ERBB4: variants seen among roughly 807,000 people sequenced by gnomAD.
The protein encoded by ERBB4 is receptor tyrosine-protein kinase erbB-4.
ERBB4 carries 42 observed loss-of-function variants against 158.0 expected under a neutral mutation model. That is an observed-to-expected ratio of 0.27 (90% confidence interval 0.21 to 0.34). The LOEUF (loss-of-function observed/expected upper bound fraction) is 0.34. Ranked by LOEUF, ERBB4 falls within the 10% of genes least tolerant of loss-of-function variation. The pLI is 1.00. For missense variants in ERBB4, 1,333 were observed against 1,624.1 expected (o/e 0.82, Z 3.08); for synonymous variants, 583 against 558.7 (o/e 1.04, Z -0.61).
chr2:211,784,176 C>T (rs2076102768), intron 4 of ERBB4, among the ~76,000 whole-genome samples: 2 of 152,200 alleles, frequency 1.3e-5, no homozygotes, highest in South Asian at 4.1e-4. Flanking sequence ...AGTATATTCA[C>T]ATTGTTTTCC....
intron 20 of ERBB4, among the ~76,000 whole-genome samples, chr2:211,513,327 C>T (rs922164143): frequency 3.8e-5 from 5 of 133,174 alleles, no homozygotes; most frequent in East Asian, 2.4e-4. Context: ...GTCCGCAGTC[C>T]GGCCTGGGCG....
intron 1 of ERBB4, among the ~76,000 whole-genome samples, chr2:212,481,575 A>G (rs1256280822): frequency 1.3e-5 from 2 of 152,214 alleles, no homozygotes; most frequent in African/African-American, 4.8e-5. Context: ...TGGGAAATGT[A>G]CCCCTTGAGC....
At chr2:211,919,640 T>C (rs1460959031) in intron 3 of ERBB4, among the ~76,000 whole-genome samples, 2 of 151,990 alleles carry the variant, frequency 1.3e-5, no homozygotes, top group Non-Finnish European at 2.9e-5. Context: ...ACAGGCAGGA[T>C]TAGCACATTT....
chr2:211,712,302 G>A lies in ERBB4; in HGVS notation c.998-126C>T, dbSNP rs1273359245. On this transcript the variant is annotated intron_variant, in intron 8 of 27. Coordinates refer to ENST00000342788, the MANE Select transcript of ERBB4 (RefSeq NM_005235.3). ...ACATATAAAATATATTACAAATTTT[G>A]TTTTCTAAAAAGTAAAATAATTATT... 4 of 987,300 alleles carry A rather than the reference G, an allele frequency of 4.1e-6. No homozygotes were observed. The East Asian group carries it at 1.1e-4, about 26-fold the overall frequency. The allele number at this position is 987,300 out of a possible 1,614,324, so 61.2% of individuals were successfully genotyped here.
At chr2:211,555,713 C>T (rs961675126) in intron 20 of ERBB4, among the ~76,000 whole-genome samples, 3 of 152,074 alleles carry the variant, frequency 2.0e-5, no homozygotes. Context: ...ATTTCATATC[C>T]AGGGAAACTA....
Position 211,611,544 on chromosome 2 carries a change from C to T in ERBB4, c.2301+7633G>A, listed in dbSNP as rs191871383. Among the ~76,000 whole-genome samples, 814 of 149,568 alleles carry T rather than the reference C, an allele frequency of 5.4e-3. 6 individuals are homozygous for T. The highest frequency in any genetic ancestry group is 0.02 in the African/African-American group (777 of 39,336). ...GTTCACGGCTTCATTCCTTGAAACC[C>T]GTGAGACCACGAACCCTTCGATGAA... On this transcript the variant is annotated intron_variant, in intron 19 of 27. Coordinates refer to ENST00000342788, the MANE Select transcript of ERBB4 (RefSeq NM_005235.3).
intron 3 of ERBB4, among the ~76,000 whole-genome samples, chr2:211,792,756 T>C (rs561515627): frequency 6.6e-6 from 1 of 152,048 alleles, no homozygotes; most frequent in East Asian, 1.9e-4. Flanking sequence ...TTTGTATCTT[T>C]GTCATTCACT....
intron 1 of ERBB4, among the ~76,000 whole-genome samples, chr2:212,484,112 T>C (rs1689855658): frequency 6.6e-6 from 1 of 152,266 alleles, no homozygotes; most frequent in East Asian, 1.9e-4. Context: ...TCTATACATA[T>C]GCTGTATTTC....
At chr2:212,408,459 A>G (rs184112519) in intron 1 of ERBB4, among the ~76,000 whole-genome samples, 10 of 152,250 alleles carry the variant, frequency 6.6e-5, no homozygotes, top group African/African-American at 2.4e-4. Flanking sequence ...CATATACTGG[A>G]ATCACCTGAG....
chr2:211,732,377 C>A (rs1424714527), intron 5 of ERBB4, among the ~76,000 whole-genome samples: 1 of 149,656 alleles, frequency 6.7e-6, no homozygotes, highest in Non-Finnish European at 1.5e-5. Context: ...AAAAATTAGA[C>A]CTAGCAAAAT....
chr2:212,106,217 A>C (rs2079222278), intron 2 of ERBB4, among the ~76,000 whole-genome samples: 1 of 152,170 alleles, frequency 6.6e-6, no homozygotes, highest in South Asian at 2.1e-4. Flanking sequence ...CTCCCTAGAG[A>C]CTTGCTGAAT....
At chr2:211,630,354 A>T in intron 17 of ERBB4, 108 bp downstream of exon 17, 1 of 1,266,294 alleles carries the variant, frequency 7.9e-7, no homozygotes, top group Non-Finnish European at 1.1e-6. Flanking sequence ...AAACTTAATT[A>T]GGACACTGAA....
At position 211,384,070 on chromosome 2, in the gene ERBB4, T is replaced by G; in HGVS notation, c.3482-10A>C. Reference sequence around the variant, plus strand: ...ACTGGATTCAGGTATTCTAAAGGAATAAAAAAATATCAGCTAACCTCTAGT... The same window carrying G: ...ACTGGATTCAGGTATTCTAAAGGAAGAAAAAAATATCAGCTAACCTCTAGT... On this transcript the variant is annotated splice_polypyrimidine_tract_variant and intron_variant, in intron 27 of 27. Transcript: ENST00000342788. 6.3e-7 allele frequency: 1 copy of G among 1,597,292 alleles called. No individual in the cohort carries two copies. The highest frequency in any genetic ancestry group is 1.7e-4 in the Middle Eastern group (1 of 6,028).
intron 2 of ERBB4, among the ~76,000 whole-genome samples, chr2:212,004,823 T>C (rs1447902419): frequency 1.3e-5 from 2 of 151,972 alleles, no homozygotes; most frequent in African/African-American, 4.8e-5. Flanking sequence ...CTTACATATA[T>C]ATATTGATAT....
chr2:212,330,742 G>C (rs1417562237), intron 1 of ERBB4, among the ~76,000 whole-genome samples: 2 of 151,782 alleles, frequency 1.3e-5, no homozygotes, highest in Admixed American at 1.3e-4. Flanking sequence ...TACACTAAAT[G>C]CATTTTTAGA....
At chr2:212,002,462 G>A (rs961482738) in intron 2 of ERBB4, among the ~76,000 whole-genome samples, 1 of 152,206 alleles carries the variant, frequency 6.6e-6, no homozygotes, top group South Asian at 2.1e-4. Context: ...CTTGTGGTGG[G>A]CAGAGGACAA....
chr2:212,428,630 T>C (rs2091963789), intron 1 of ERBB4, among the ~76,000 whole-genome samples: 1 of 152,120 alleles, frequency 6.6e-6, no homozygotes, highest in Non-Finnish European at 1.5e-5. Flanking sequence ...TAATACCACA[T>C]TGTATACTAA....
At chr2:211,725,356 C>T (rs2074231877) in intron 5 of ERBB4, among the ~76,000 whole-genome samples, 162 bp from the exon 6 acceptor site, 1 of 152,080 alleles carries the variant, frequency 6.6e-6, no homozygotes, top group African/African-American at 2.4e-5. Context: ...ACAAAAATCT[C>T]CAAAATTAAT....
Position 212,538,542 on chromosome 2 carries a change from C to T in ERBB4, c.-12G>A. The T allele has an allele frequency of 6.2e-7, 1 of 1,613,032 alleles. No individual in the cohort carries two copies. The highest frequency in any genetic ancestry group is 8.5e-7 in the Non-Finnish European group (1 of 1,178,936). Reference sequence around the variant, plus strand: ...GTCGCCGGCTTCATTTTTTGGAAGTCTCAGATCCCGTGCTGACAATTACAT... The same window carrying T: ...GTCGCCGGCTTCATTTTTTGGAAGTTTCAGATCCCGTGCTGACAATTACAT... On this transcript the variant is annotated 5_prime_UTR_variant, in exon 1 of 28. Coordinates refer to ENST00000342788, the MANE Select transcript of ERBB4 (RefSeq NM_005235.3).
Sources: allele counts gnomAD v4.1 joint callset (sites outside exome capture counted in the v4.1 genomes callset), GRCh38; gene constraint gnomAD v4.1.1; transcripts MANE v1.5; gene names NCBI Gene and HGNC (gene_info 2026-07-23, HGNC 2026-07-21).